SGCZ: variants seen among roughly 807,000 people sequenced by gnomAD.
The protein encoded by SGCZ is zeta-sarcoglycan.
In SGCZ, 40 loss-of-function variants were observed where a neutral mutation model predicts 41.3. The ratio of observed to expected loss-of-function variants is 0.97; its 90% CI spans 0.75 to 1.26. The LOEUF (loss-of-function observed/expected upper bound fraction) is 1.26, where lower values mean the gene tolerates loss of function less well. Among genes scored for constraint, SGCZ ranks in the 50% most tolerant of loss-of-function variants. SGCZ has a pLI of 0.00. For synonymous variants in SGCZ, 206 were observed against 137.5 expected, an observed-to-expected ratio of 1.50 and a Z score of -3.49; for missense variants, 552 against 369.8, an observed-to-expected ratio of 1.49 and a Z score of -4.04.
In SGCZ at chr8:14,164,779, A is replaced by G. The variant is rs979224498; in HGVS notation, c.425-77T>C. ...AACATGTATTTTTTGGAAATAGACT[A>G]GAAATGCATATATTATTTAATTTGT... On this transcript the variant is annotated intron_variant, in intron 4 of 7. Transcript: ENST00000382080. 4.7e-6 allele frequency: 7 copies of G among 1,503,058 alleles called. No homozygotes were observed. In the East Asian group the frequency reaches 6.9e-5, roughly 15 times the overall value. 93.1% of individuals were successfully genotyped at this position (1,503,058 alleles called of 1,614,324 possible). A position where few individuals can be genotyped will look rare whatever the true frequency, so the allele number is the denominator to read the frequency against.
chr8:15,136,996 T>G (rs945798187), intron 1 of SGCZ, among the ~76,000 whole-genome samples: 1 of 152,158 alleles, frequency 6.6e-6, no homozygotes, highest in Admixed American at 6.5e-5. Flanking sequence ...TCTTAGAGAC[T>G]TGAAGGGCTT....
Position 14,499,876 on chromosome 8 carries a change from A to T in SGCZ, c.234+54856T>A, listed in dbSNP as rs148729195. ...TCTCTTCAAATAGTATGCTTTGAGA[A>T]ACACATAAATATTTATCAAGGGGAA... On this transcript the variant is annotated intron_variant, in intron 2 of 7. Transcript: ENST00000382080. Among the ~76,000 whole-genome samples the T allele has an allele frequency of 9.9e-3, 1,503 of 152,172 alleles. 30 individuals carry two copies. Among genetic ancestry groups the T allele is most frequent in the African/African-American group, 0.034 (1,393 of 41,544 alleles).
intron 1 of SGCZ, among the ~76,000 whole-genome samples, chr8:14,656,778 A>T (rs933649794): frequency 2.0e-5 from 3 of 151,944 alleles, no homozygotes; most frequent in Non-Finnish European, 4.4e-5. Context: ...AGAAAACAAC[A>T]TTTTTTCTAA....
chr8:14,703,013 C>T (rs1809219591), intron 1 of SGCZ, among the ~76,000 whole-genome samples: 4 of 151,822 alleles, frequency 2.6e-5, no homozygotes, highest in Admixed American at 2.6e-4. Context: ...ACAATTCTTA[C>T]CTCCTCCATT....
At chr8:14,304,208 T>A (rs1396760350) in intron 3 of SGCZ, among the ~76,000 whole-genome samples, 2 of 152,010 alleles carry the variant, frequency 1.3e-5, no homozygotes, top group Non-Finnish European at 1.5e-5. Context: ...TCTAGGAGGC[T>A]GAGGCAGGAG....
intron 1 of SGCZ, among the ~76,000 whole-genome samples, chr8:14,929,940 A>T (rs1015459180): frequency 6.6e-6 from 1 of 151,954 alleles, no homozygotes; most frequent in East Asian, 1.9e-4. Context: ...ACATAACAGC[A>T]TTTTCACTAT....
At chr8:14,361,751 A>G (rs1345399570) in intron 2 of SGCZ, among the ~76,000 whole-genome samples, 3 of 151,996 alleles carry the variant, frequency 2.0e-5, no homozygotes, top group Non-Finnish European at 4.4e-5. Context: ...CCTTTGGAGG[A>G]GAAGAGGCAT....
chr8:14,853,522 G>A (rs1563316596), intron 1 of SGCZ: 1 of 530,356 alleles, frequency 1.9e-6, no homozygotes, highest in South Asian at 1.4e-5. Flanking sequence ...AGGTGACGGG[G>A]AGATTCTGAA....
chr8:14,519,487 A>G (rs1039918167), intron 2 of SGCZ, among the ~76,000 whole-genome samples: 1 of 152,156 alleles, frequency 6.6e-6, no homozygotes, highest in Non-Finnish European at 1.5e-5. Context: ...ATGAACATCA[A>G]GAGAAAAGAT....
At chr8:15,111,914 A>G (rs1260849158) in intron 1 of SGCZ, among the ~76,000 whole-genome samples, 1 of 151,444 alleles carries the variant, frequency 6.6e-6, no homozygotes, top group East Asian at 1.9e-4. Context: ...AAAAAAAAAA[A>G]ATCCCTCCTT....
intron 1 of SGCZ, among the ~76,000 whole-genome samples, chr8:15,211,537 T>A (rs2117161082): frequency 6.6e-6 from 1 of 152,254 alleles, no homozygotes; most frequent in Middle Eastern, 3.4e-3. Flanking sequence ...AGAGAAGGTC[T>A]CAGATAGGAA....
intron 2 of SGCZ, among the ~76,000 whole-genome samples, chr8:14,444,297 C>T (rs1800363275): frequency 6.6e-6 from 1 of 152,124 alleles, no homozygotes; most frequent in Non-Finnish European, 1.5e-5. Flanking sequence ...TTTATCCCAG[C>T]CTTTCCATTA....
At chr8:14,173,225 C>T (rs528969591) in intron 4 of SGCZ, among the ~76,000 whole-genome samples, 1 of 151,038 alleles carries the variant, frequency 6.6e-6, no homozygotes, top group South Asian at 2.1e-4. Context: ...ACTAGATGTG[C>T]AAAAATGTGG....
rs560709827 is a variant in SGCZ at position 14,313,218 on chromosome 8, G to A, written c.336+10885C>T. On this transcript the variant is annotated intron_variant, in intron 3 of 7. Coordinates refer to ENST00000382080, the MANE Select transcript of SGCZ (RefSeq NM_139167.4). ...CCAGGCCCTTCAGCAATTAATACTT[G>A]AAAAGTACTTAATAATTGGTAGTAG... Among the ~76,000 whole-genome samples, 9 of 152,242 alleles carry A rather than the reference G, an allele frequency of 5.9e-5. No homozygotes were observed. In the East Asian group the frequency reaches 1.7e-3, roughly 29 times the overall value.
chr8:14,632,208 A>G (rs189594233), intron 1 of SGCZ, among the ~76,000 whole-genome samples: 2 of 151,894 alleles, frequency 1.3e-5, no homozygotes, highest in Non-Finnish European at 2.9e-5. Context: ...TTTTTTATAG[A>G]GACAAGGTCT....
At chr8:14,180,726 T>C (rs1299795666) in intron 4 of SGCZ, among the ~76,000 whole-genome samples, 1 of 152,028 alleles carries the variant, frequency 6.6e-6, no homozygotes, top group Non-Finnish European at 1.5e-5. Context: ...AAAACAGGCC[T>C]GACAAACCCT....
intron 3 of SGCZ, among the ~76,000 whole-genome samples, chr8:14,313,196 G>A (rs1179715351): frequency 6.6e-6 from 1 of 152,086 alleles, no homozygotes; most frequent in Non-Finnish European, 1.5e-5. Context: ...ATGTGACCCA[G>A]GCCCTTCAGC....
intron 1 of SGCZ, among the ~76,000 whole-genome samples, chr8:15,005,219 A>C (rs1564451): frequency 0.02 from 3,048 of 152,182 alleles, 95 homozygotes; most frequent in African/African-American, 0.069. Context: ...GCATGGTACC[A>C]AAAGGCACCA....
At position 14,611,857 on chromosome 8, in the gene SGCZ, G is replaced by T. The variant is rs553688366; in HGVS notation, c.40-56931C>A. On this transcript the variant is annotated intron_variant, in intron 1 of 7. Coordinates refer to ENST00000382080, the MANE Select transcript of SGCZ (RefSeq NM_139167.4). ...GTCATTAAATGGGCAGAAAAAAATG[G>T]TTTTGATGCAAAAGCTTGTCACTCA... Among the ~76,000 whole-genome samples the T allele has an allele frequency of 3.3e-5, 5 of 152,186 alleles. No homozygotes were observed. The East Asian group carries it at 7.7e-4, about 24-fold the overall frequency.
Sources: gnomAD v4.1 joint callset for allele counts (sites outside exome capture counted in the v4.1 genomes callset) on GRCh38, gnomAD v4.1.1 for gene constraint, MANE v1.5 for transcripts, NCBI Gene and HGNC (gene_info 2026-07-23, HGNC 2026-07-21) for gene names.